PTBP3: variants seen among roughly 807,000 people sequenced by gnomAD.
The protein encoded by PTBP3 is polypyrimidine tract-binding protein 3.
Under a neutral mutation model 58.7 loss-of-function variants are expected in PTBP3, and 20 were observed. The observed-to-expected ratio is 0.34, with a 90% CI of 0.24 to 0.50. The LOEUF is 0.50. Among genes scored for constraint, PTBP3 ranks in the 20% least tolerant of loss-of-function variants. PTBP3 has a pLI of 0.98. For missense variants in PTBP3, 509 were observed against 637.2 expected, an observed-to-expected ratio of 0.80 and a Z score of 2.17; for synonymous variants, 185 against 219.8, an observed-to-expected ratio of 0.84 and a Z score of 1.40.
chr9:112,350,330 A>G, the PTBP3 span, among the ~76,000 whole-genome samples: 1 of 152,186 alleles, frequency 6.6e-6, no homozygotes, highest in Non-Finnish European at 1.5e-5. Context: ...TAAAGAACTT[A>G]TTCATGTACA....
intron 12 of PTBP3, among the ~76,000 whole-genome samples, chr9:112,227,117 T>C (rs1294281260): frequency 6.6e-6 from 1 of 152,238 alleles, no homozygotes; most frequent in African/African-American, 2.4e-5. Context: ...GACAAATACG[T>C]GCCAATGGAA....
intron 2 of PTBP3, among the ~76,000 whole-genome samples, chr9:112,283,811 C>T (rs1050827346): frequency 2.0e-5 from 3 of 152,236 alleles, no homozygotes; most frequent in African/African-American, 7.2e-5. Context: ...GGCCCTGCTG[C>T]TCTGTGCAGC....
chr9:112,290,701 T>TACACAC (rs1376874308), intron 2 of PTBP3, among the ~76,000 whole-genome samples: 69 of 64,802 alleles, frequency 1.1e-3, no homozygotes, highest in African/African-American at 3.3e-3. Context: ...TATATATATA[T>TACACAC]ATATATACAC....
chr9:112,337,415 C>G (rs1403297502), upstream of PTBP3, among the ~76,000 whole-genome samples: 2 of 152,164 alleles, frequency 1.3e-5, no homozygotes, highest in Non-Finnish European at 2.9e-5. Context: ...TTTAGCTCCT[C>G]AAGAACCACT....
chr9:112,327,417 C>T (rs973533728), intron 1 of PTBP3, among the ~76,000 whole-genome samples: 3 of 151,288 alleles, frequency 2.0e-5, no homozygotes, highest in Non-Finnish European at 2.9e-5. Flanking sequence ...AAAAATTAGC[C>T]GAGCATGGTG....
the PTBP3 span, chr9:112,379,872 G>C: frequency 1.8e-6 from 1 of 546,454 alleles, no homozygotes; most frequent in Non-Finnish European, 3.2e-6. Flanking sequence ...GATTGTCACC[G>C]TACGACCAGT....
intron 10 of PTBP3, among the ~76,000 whole-genome samples, 159 bp downstream of exon 10, chr9:112,231,221 A>T (rs1359462390): frequency 6.6e-6 from 1 of 150,594 alleles, no homozygotes; most frequent in East Asian, 1.9e-4. Flanking sequence ...CATACTATAA[A>T]TCATCACTGT....
chr9:112,357,361 G>GT, the PTBP3 span, among the ~76,000 whole-genome samples: 27 of 151,896 alleles, frequency 1.8e-4, no homozygotes, highest in Non-Finnish European at 3.1e-4. Flanking sequence ...TTGTTTGTTT[G>GT]TTTTTTCTGA....
chr9:112,255,224 G>A (rs114520715), intron 5 of PTBP3, among the ~76,000 whole-genome samples: 33 of 152,210 alleles, frequency 2.2e-4, no homozygotes, highest in African/African-American at 7.9e-4. Flanking sequence ...TGAATAAAGA[G>A]TTCCGTTTAA....
At chr9:112,272,206 G>A (rs1313949880) in intron 3 of PTBP3, among the ~76,000 whole-genome samples, 1 of 152,062 alleles carries the variant, frequency 6.6e-6, no homozygotes, top group African/African-American at 2.4e-5. Flanking sequence ...GGGACTACAG[G>A]TGGGTGCCGC....
intron 4 of PTBP3, among the ~76,000 whole-genome samples, chr9:112,263,833 G>A (rs1836694215): frequency 1.3e-5 from 2 of 152,272 alleles, no homozygotes; most frequent in South Asian, 4.1e-4. Flanking sequence ...GGACAGGAAA[G>A]AAGGACCAGA....
Position 112,232,152 on chromosome 9 carries a change from C to T in PTBP3, c.967G>A (p.Ala323Thr), listed in dbSNP as rs764958909. Residue 323 changes from alanine to threonine, a missense_variant, in exon 9 of 14, where the codon GCT (alanine) becomes ACT (threonine). Ala to Thr is a moderately conservative substitution (Grantham distance 58, BLOSUM62 0). Coordinates refer to ENST00000374257, the MANE Select transcript of PTBP3 (RefSeq NM_001163788.4). ...AVTGRMAIPG[A>T]SGIPGNSVLL... ...ACAGAATTTCCTGGTATACCACTAG[C>T]CCCAGGAATGGCCATCCTTCCAGTG... 1 of 1,613,504 alleles carries T rather than the reference C, an allele frequency of 6.2e-7. No homozygotes were observed. Among genetic ancestry groups the T allele is most frequent in the Admixed American group, 1.7e-5 (1 of 59,962 alleles).
the PTBP3 span, among the ~76,000 whole-genome samples, chr9:112,343,556 G>A: frequency 1.3e-5 from 2 of 152,102 alleles, no homozygotes; most frequent in African/African-American, 2.4e-5. Context: ...TTGGGAGGCC[G>A]AGGTGGGCAG....
At chr9:112,246,605 A>G (rs564363241) in intron 7 of PTBP3, among the ~76,000 whole-genome samples, 15 of 151,412 alleles carry the variant, frequency 9.9e-5, no homozygotes, top group African/African-American at 3.4e-4. Context: ...AGGCAGGAGT[A>G]TGGTGTGAAC....
At chr9:112,348,827 C>T in the PTBP3 span, among the ~76,000 whole-genome samples, 13 of 152,288 alleles carry the variant, frequency 8.5e-5, no homozygotes, top group Admixed American at 2.0e-4. Flanking sequence ...TACCACCCCC[C>T]CTCCCAGATG....
At chr9:112,303,390 T>C (rs1446745053) in intron 1 of PTBP3, among the ~76,000 whole-genome samples, 3 of 152,230 alleles carry the variant, frequency 2.0e-5, no homozygotes, top group Non-Finnish European at 4.4e-5. Flanking sequence ...CCTGTATGTA[T>C]AATTATCAAT....
At chr9:112,257,783 T>C (rs1014637464) in intron 5 of PTBP3, among the ~76,000 whole-genome samples, 5 of 151,846 alleles carry the variant, frequency 3.3e-5, no homozygotes, top group African/African-American at 9.7e-5. Context: ...CCACTAAAAG[T>C]ACAAAAATTA....
At chr9:112,284,487 G>C (rs548731835) in intron 2 of PTBP3, among the ~76,000 whole-genome samples, 2 of 152,256 alleles carry the variant, frequency 1.3e-5, no homozygotes, top group Admixed American at 1.3e-4. Flanking sequence ...CTTGAGGCTG[G>C]GAGTTCGAGA....
chr9:112,249,074 A>G (rs959697285), intron 7 of PTBP3, among the ~76,000 whole-genome samples: 5 of 151,520 alleles, frequency 3.3e-5, no homozygotes, highest in Admixed American at 2.6e-4. Context: ...CTAATGCTTT[A>G]AAGTATTGAA....
Sources: gnomAD v4.1 joint callset for allele counts (sites outside exome capture counted in the v4.1 genomes callset) on GRCh38, gnomAD v4.1.1 for gene constraint, MANE v1.5 for transcripts, NCBI Gene and HGNC (gene_info 2026-07-23, HGNC 2026-07-21) for gene names.